The following IMPG2 variants were observed in gnomAD, a reference collection of about 807,000 sequenced individuals.
The protein encoded by IMPG2 is IPM 200.
IMPG2 carries 91 observed loss-of-function variants against 129.2 expected under a neutral mutation model. That is an observed-to-expected ratio of 0.70 (90% CI 0.59 to 0.84). The LOEUF (loss-of-function observed/expected upper bound fraction) is 0.84. IMPG2 is among the 40% of genes least tolerant of loss of function. The probability of loss-of-function intolerance (pLI) is 0.00; values close to 1 mark genes in which losing one functional copy is unlikely to be tolerated. For synonymous variants in IMPG2, 510 were observed against 517.7 expected (o/e 0.99, Z 0.20); for missense variants, 1,430 against 1,461.7 (o/e 0.98, Z 0.35).
chr3:101,230,305 T>C (rs2107204877), intron 16 of IMPG2, among the ~76,000 whole-genome samples: 1 of 152,346 alleles, frequency 6.6e-6, no homozygotes, highest in South Asian at 2.1e-4. Flanking sequence ...ATCCTGAGTC[T>C]AGCAAATGGA....
chr3:101,226,959 G>A lies in IMPG2; in HGVS notation c.*10C>T. ...CAGGCTTCTAATCAGTTTCAGAACA[G>A]GAGTTTTGGTTAAACCTCTTCCCTG... is the stretch of plus-strand genomic sequence containing the variant. On this transcript the variant is annotated 3_prime_UTR_variant, in exon 19 of 19. Transcript: ENST00000193391. 6.2e-7 allele frequency: 1 copy of A among 1,613,260 alleles called. No individual in the cohort carries two copies. Among genetic ancestry groups the A allele is most frequent in the Non-Finnish European group, 8.5e-7 (1 of 1,179,502 alleles).
At chr3:101,318,149 A>AAATAATAATAAT (rs138777161) in intron 2 of IMPG2, among the ~76,000 whole-genome samples, 66 of 144,170 alleles carry the variant, frequency 4.6e-4, no homozygotes, top group African/African-American at 7.6e-4. Flanking sequence ...AAATAGTAAT[A>AAATAATAATAAT]AATAATAATA....
chr3:101,279,706 G>A (rs573348479), intron 4 of IMPG2, among the ~76,000 whole-genome samples: 4 of 152,328 alleles, frequency 2.6e-5, no homozygotes, highest in East Asian at 1.9e-4. Flanking sequence ...TGTCTCCGAC[G>A]TCAAATCAAA....
chr3:101,256,175 AAGAAAGAAAGAAAG>A (rs1706602230), intron 10 of IMPG2, among the ~76,000 whole-genome samples: 1 of 149,258 alleles, frequency 6.7e-6, no homozygotes, highest in African/African-American at 2.5e-5. Context: ...GAAAGAAAGA[AAGAAAGAAAGAAAG>A]AAAGAAAGAA....
Position 101,242,721 on chromosome 3 carries a change from C to T in IMPG2, c.2989G>A (p.Ala997Thr), listed in dbSNP as rs149304893. The change falls in exon 14 of 19, where the codon GCT (alanine) becomes ACT (threonine). Residue 997 changes from alanine (A) to threonine (T), a missense_variant. Transcript: ENST00000193391. ...ACATCAAGAGAGTATTTATCAATAG[C>T]CAAGTTCATGGTATTGTAGGCAGTG... The part of the protein sequence containing the change: ...CTTAYNTMNL[A>T]IDKYSLDVES... The T allele has an allele frequency of 1.2e-4, 186 of 1,613,678 alleles. 1 individual carries two copies. Among genetic ancestry groups the T allele is most frequent in the Non-Finnish European group, 1.6e-4 (183 of 1,179,784 alleles).
At chr3:101,237,099 C>T (rs185037198) in intron 14 of IMPG2, among the ~76,000 whole-genome samples, 29 of 152,184 alleles carry the variant, frequency 1.9e-4, no homozygotes, top group South Asian at 6.2e-4. Flanking sequence ...TAAAGCCGCC[C>T]GGAAATTTGA....
chr3:101,301,033 G>A (rs765978840), intron 3 of IMPG2, among the ~76,000 whole-genome samples: 6 of 152,172 alleles, frequency 3.9e-5, no homozygotes, highest in Non-Finnish European at 8.8e-5. Flanking sequence ...TCTCAATATT[G>A]CTGTAACTCA....
chr3:101,248,294 T>C (rs1685829683), intron 11 of IMPG2, among the ~76,000 whole-genome samples: 1 of 152,180 alleles, frequency 6.6e-6, no homozygotes. Context: ...GGAGTTTCCC[T>C]GCACAAGAGC....
intron 4 of IMPG2, among the ~76,000 whole-genome samples, chr3:101,281,179 G>A (rs149452520): frequency 2.0e-5 from 3 of 152,176 alleles, no homozygotes; most frequent in South Asian, 2.1e-4. Flanking sequence ...CCTTGCACTC[G>A]TTATTGGGGA....
chr3:101,251,296 C>G (rs545138007), intron 11 of IMPG2, among the ~76,000 whole-genome samples: 1 of 152,094 alleles, frequency 6.6e-6, no homozygotes, highest in African/African-American at 2.4e-5. Context: ...TACATAAAAT[C>G]TTTTAAAAAG....
At chr3:101,230,187 G>A (rs1706270979) in intron 16 of IMPG2, among the ~76,000 whole-genome samples, 1 of 152,124 alleles carries the variant, frequency 6.6e-6, no homozygotes. Context: ...AGGTGCTCCA[G>A]GACTTAGCCA....
intron 18 of IMPG2, among the ~76,000 whole-genome samples, chr3:101,227,452 G>T (rs1706237127): frequency 6.6e-6 from 1 of 152,184 alleles, no homozygotes; most frequent in South Asian, 2.1e-4. Flanking sequence ...TAGTCAATCT[G>T]CCTATTCCTA....
intron 10 of IMPG2, among the ~76,000 whole-genome samples, chr3:101,256,217 G>GAAAGAAAGAA (rs1553682324): frequency 7.2e-6 from 1 of 138,170 alleles, no homozygotes; most frequent in South Asian, 2.3e-4. Context: ...AAGAAAGAAA[G>GAAAGAAAGAA]AAAAAAATAT....
chr3:101,228,499 T>A (rs1411722416), intron 18 of IMPG2, among the ~76,000 whole-genome samples: 1 of 152,180 alleles, frequency 6.6e-6, no homozygotes, highest in African/African-American at 2.4e-5. Context: ...ACAGACAGTA[T>A]CTTAGTTTTA....
chr3:101,305,921 A>C (rs901206797), intron 2 of IMPG2, among the ~76,000 whole-genome samples: 6 of 152,192 alleles, frequency 3.9e-5, no homozygotes, highest in African/African-American at 1.4e-4. Context: ...GGAAGGGAAA[A>C]GGAAGAGAGT....
intron 14 of IMPG2, among the ~76,000 whole-genome samples, chr3:101,235,767 A>T (rs1213194784): frequency 1.3e-5 from 2 of 152,196 alleles, no homozygotes; most frequent in Admixed American, 6.5e-5. Context: ...GGAGACAGGG[A>T]TCTAAATGGT....
At chr3:101,231,400 T>C (rs1264947662) in intron 15 of IMPG2, among the ~76,000 whole-genome samples, 2 of 152,180 alleles carry the variant, frequency 1.3e-5, no homozygotes, top group African/African-American at 4.8e-5. Context: ...TTTAAGGAAA[T>C]TATTCTACTT....
intron 7 of IMPG2, among the ~76,000 whole-genome samples, chr3:101,271,469 A>G (rs909322121): frequency 6.6e-6 from 1 of 152,212 alleles, no homozygotes; most frequent in African/African-American, 2.4e-5. Flanking sequence ...GGACTGCAAT[A>G]TATCTGGTGC....
chr3:101,282,401 C>A (rs933595293), intron 4 of IMPG2, among the ~76,000 whole-genome samples: 3 of 152,082 alleles, frequency 2.0e-5, no homozygotes, highest in African/African-American at 7.2e-5. Context: ...TAGTTTCAGG[C>A]AGAATACAAA....
Sources: gnomAD v4.1 joint callset for allele counts (sites outside exome capture counted in the v4.1 genomes callset) on GRCh38, gnomAD v4.1.1 for gene constraint, MANE v1.5 for transcripts, NCBI Gene and HGNC (gene_info 2026-07-23, HGNC 2026-07-21) for gene names.